The following SCGB1C1 variants were observed in gnomAD, a reference collection of about 807,000 sequenced individuals.
SCGB1C1 encodes ligand binding protein RYD5.
A neutral mutation model predicts 8.9 loss-of-function variants in SCGB1C1; 2 were observed. The observed-to-expected ratio is 0.23, with a 90% confidence interval of 0.09 to 0.71. SCGB1C1 has a LOEUF of 0.71. SCGB1C1 is among the 30% of genes least tolerant of loss of function. The probability of loss-of-function intolerance (pLI) is 0.78; values close to 1 mark genes in which losing one functional copy is unlikely to be tolerated. For synonymous variants in SCGB1C1, 6 were observed against 45.8 expected, an observed-to-expected ratio of 0.13 and a Z score of 3.51; for missense variants, 25 against 112.7, an observed-to-expected ratio of 0.22 and a Z score of 3.52.
upstream of SCGB1C1, among the ~76,000 whole-genome samples, chr11:192,064 G>A (rs1447190092): frequency 3.3e-5 from 5 of 152,090 alleles, no homozygotes; most frequent in East Asian, 3.9e-4. Flanking sequence ...TGATTGTTTC[G>A]AATAGGTGGA....
chr11:190,922 G>A (rs1177803862), upstream of SCGB1C1, among the ~76,000 whole-genome samples: 7 of 152,400 alleles, frequency 4.6e-5, no homozygotes, highest in Non-Finnish European at 1.0e-4. Context: ...CAGAGTGAAT[G>A]ATTGGGGCAT....
chr11:189,760 G>A (rs1162570668), upstream of SCGB1C1, among the ~76,000 whole-genome samples: 12 of 151,870 alleles, frequency 7.9e-5, no homozygotes, highest in East Asian at 3.9e-4. Flanking sequence ...GTCCCAGTGC[G>A]CCCCCTGCTA....
intron 1 of SCGB1C1, 50 bp downstream of exon 1, chr11:193,204 TG>T (rs141015366): frequency 2.4e-5 from 5 of 209,110 alleles, no homozygotes; most frequent in Non-Finnish European, 3.5e-5. Context: ...TGGGGGGGAG[TG>T]GGGGGTACCT....
chr11:194,331 C>T lies in SCGB1C1; in HGVS notation c.256-87C>T, dbSNP rs1108819. On this transcript the variant is annotated intron_variant, in intron 2 of 2. Transcript: ENST00000342878. ...AGGCAGCAATATGCCAGACCCCCCC[C>T]CACTGAGGGCCTTGCTTGCCTGATG... 11 of 1,184,088 alleles carry T rather than the reference C, an allele frequency of 9.3e-6. No individual in the cohort carries two copies. In the East Asian group the frequency reaches 1.2e-4, roughly 13 times the overall value. 73.3% of individuals were successfully genotyped at this position (1,184,088 alleles called of 1,614,324 possible). A position where few individuals can be genotyped will look rare whatever the true frequency, so the allele number is the denominator to read the frequency against.
chr11:188,201 TTG>T (rs1162027219), upstream of SCGB1C1, among the ~76,000 whole-genome samples: 3 of 152,240 alleles, frequency 2.0e-5, no homozygotes, highest in Non-Finnish European at 4.4e-5. Context: ...CCCGCACATG[TTG>T]TGTGGCAGAT....
chr11:189,648 G>T (rs1469672829), upstream of SCGB1C1, among the ~76,000 whole-genome samples: 4 of 152,194 alleles, frequency 2.6e-5, no homozygotes, highest in African/African-American at 9.7e-5. Context: ...GTCCTCGGGG[G>T]CGCGGCGCAG....
At chr11:190,431 A>G (rs185630338), upstream of SCGB1C1, among the ~76,000 whole-genome samples, 18,322 of 140,554 alleles carry the variant, frequency 0.13, 1,134 homozygotes, top group Non-Finnish European at 0.19. Flanking sequence ...CATTTTCACC[A>G]AGAGGCAATA....
upstream of SCGB1C1, among the ~76,000 whole-genome samples, chr11:188,135 C>G (rs1283563183): frequency 6.6e-6 from 1 of 152,034 alleles, no homozygotes; most frequent in Non-Finnish European, 1.5e-5. Context: ...CCAGCCACCT[C>G]TATACCTCAC....
chr11:189,542 C>A (rs1331508882), upstream of SCGB1C1, among the ~76,000 whole-genome samples: 1 of 55,150 alleles, frequency 1.8e-5, no homozygotes, highest in African/African-American at 8.5e-5. Flanking sequence ...CGTCGTTAGG[C>A]TGTGGGTTTG....
upstream of SCGB1C1, among the ~76,000 whole-genome samples, chr11:191,832 C>T (rs1489050174): frequency 1.9e-5 from 1 of 52,444 alleles, no homozygotes; most frequent in Non-Finnish European, 5.0e-5. Flanking sequence ...AACCCCTAAC[C>T]CTAACCCTAA....
At chr11:192,620 C>T (rs1486956483), upstream of SCGB1C1, among the ~76,000 whole-genome samples, 1 of 149,984 alleles carries the variant, frequency 6.7e-6, no homozygotes, top group African/African-American at 2.5e-5. Flanking sequence ...TTCCCCTACT[C>T]GGCCACCCCA....
rs765109900 is a variant in SCGB1C1, at chr11:193,718, C to G, written c.62C>G (p.Ala21Gly). 6.2e-7 allele frequency: 1 copy of G among 1,613,576 alleles called. No homozygotes were observed. Among genetic ancestry groups the G allele is most frequent in the South Asian group, 1.1e-5 (1 of 91,018 alleles). ...CATCTCGCTCGTGATGCAGGGATGG[C>G]CACAGGGGAGGACAACGATGAGTTT... ...ALTLFCICRM[A>G]TGEDNDEFFM... Residue 21 changes from alanine to glycine, a missense_variant, in exon 2 of 3, where the codon GCC becomes GGC. Transcript: ENST00000342878.
upstream of SCGB1C1, among the ~76,000 whole-genome samples, chr11:190,909 T>G (rs1854792861): frequency 1.3e-5 from 2 of 152,312 alleles, no homozygotes; most frequent in African/African-American, 2.4e-5. Context: ...GACATTTTTA[T>G]TGCAGAGTGA....
At chr11:189,574 C>T (rs1228767518), upstream of SCGB1C1, among the ~76,000 whole-genome samples, 4 of 128,620 alleles carry the variant, frequency 3.1e-5, no homozygotes, top group African/African-American at 1.2e-4. Flanking sequence ...GTGGTGCAGA[C>T]GCAGAGTCAC....
upstream of SCGB1C1, among the ~76,000 whole-genome samples, chr11:188,460 AAG>A (rs1453069344): frequency 7.2e-5 from 11 of 152,222 alleles, no homozygotes; most frequent in Admixed American, 2.6e-4. Context: ...TGATGGAAAA[AAG>A]AGTGCAAAAG....
At chr11:188,629 TTA>T, upstream of SCGB1C1, among the ~76,000 whole-genome samples, 1 of 149,708 alleles carries the variant, frequency 6.7e-6, no homozygotes, top group Non-Finnish European at 1.5e-5. Context: ...AATATACCAA[TTA>T]GCATAGAAAA....
chr11:192,607 C>G (rs1854832750), upstream of SCGB1C1, among the ~76,000 whole-genome samples: 1 of 149,580 alleles, frequency 6.7e-6, no homozygotes, highest in Non-Finnish European at 1.5e-5. Context: ...AGCCTGCACC[C>G]CCTTCCCCTA....
Position 193,922 on chromosome 11 carries a change from G to T in SCGB1C1, c.255+11G>T, listed in dbSNP as rs201197008. 10 of 1,453,212 alleles carry T rather than the reference G, an allele frequency of 6.9e-6. No homozygotes were observed. In the African/African-American group the frequency reaches 1.4e-4, roughly 21 times the overall value. The allele number at this position is 1,453,212 out of a possible 1,614,324, so 90.0% of individuals were successfully genotyped here. ...CTGGTCAAGCTGCTGGTATGAGGGC[G>T]GCGGGCACCCCATTTTCTAAAGATC... On this transcript the variant is annotated intron_variant, in intron 2 of 2. Transcript: ENST00000342878.
At chr11:191,842 ACCCTAACCCTAAC>A (rs1854814349), upstream of SCGB1C1, among the ~76,000 whole-genome samples, 10 of 41,706 alleles carry the variant, frequency 2.4e-4, no homozygotes, top group Admixed American at 1.9e-3. Context: ...CCTAACCCTA[ACCCTAACCCTAAC>A]CCCTAACCCC....
Sources: allele counts gnomAD v4.1 joint callset (sites outside exome capture counted in the v4.1 genomes callset), GRCh38; gene constraint gnomAD v4.1.1; transcripts MANE v1.5; gene names NCBI Gene and HGNC (gene_info 2026-07-23, HGNC 2026-07-21).